TRAPPC8: variants seen among roughly 807,000 people sequenced by gnomAD.
The protein encoded by TRAPPC8 is general sporulation gene 1 homolog.
Under a neutral mutation model 174.3 loss-of-function variants are expected in TRAPPC8, and 54 were observed. That is an observed-to-expected ratio of 0.31 (90% CI 0.25 to 0.39). The LOEUF is 0.39. Ranked by LOEUF, TRAPPC8 falls within the 10% of genes least tolerant of loss-of-function variation. The pLI, the probability that TRAPPC8 is intolerant of heterozygous loss-of-function variation, is 1.00. For synonymous variants in TRAPPC8, 630 were observed against 579.9 expected (o/e 1.09, Z -1.24); for missense variants, 1,531 against 1,699.1 (o/e 0.90, Z 1.74).
intron 1 of TRAPPC8, among the ~76,000 whole-genome samples, chr18:31,934,724 G>A (rs1302735011): frequency 6.7e-5 from 10 of 150,110 alleles, no homozygotes; most frequent in South Asian, 2.1e-4. Flanking sequence ...AAAATTAGCC[G>A]GGCATGGTGG....
At chr18:31,916,584 G>A (rs759650608) in intron 3 of TRAPPC8, 138 bp from the exon 4 acceptor site, 437 of 813,604 alleles carry the variant, frequency 5.4e-4, no homozygotes, top group Non-Finnish European at 6.9e-4. Flanking sequence ...CCAGGCTGGA[G>A]AGCAGTGGCG....
At chr18:31,911,198 A>G (rs1384993995) in intron 5 of TRAPPC8, among the ~76,000 whole-genome samples, 1 of 152,228 alleles carries the variant, frequency 6.6e-6, no homozygotes, top group East Asian at 1.9e-4. Flanking sequence ...TTAATTGAAC[A>G]ATATAAATAT....
intron 1 of TRAPPC8, among the ~76,000 whole-genome samples, chr18:31,937,269 G>A (rs1270970737): frequency 5.9e-5 from 9 of 152,168 alleles, no homozygotes; most frequent in South Asian, 2.1e-4. Context: ...AGTGGCTCGC[G>A]CCTGTAATCA....
intron 11 of TRAPPC8, among the ~76,000 whole-genome samples, chr18:31,894,099 T>G (rs554872032): frequency 4.6e-5 from 7 of 152,192 alleles, no homozygotes; most frequent in Non-Finnish European, 5.9e-5. Flanking sequence ...TGGCCTTCCA[T>G]GGTATTAATT....
chr18:31,909,412 G>A (rs781255693), intron 6 of TRAPPC8: 6 of 246,560 alleles, frequency 2.4e-5, no homozygotes, highest in Non-Finnish European at 3.9e-5. Flanking sequence ...AATTAATGCT[G>A]TGCATCACAT....
At chr18:31,899,040 A>G (rs533608361) in intron 10 of TRAPPC8, among the ~76,000 whole-genome samples, 1 of 152,332 alleles carries the variant, frequency 6.6e-6, no homozygotes, top group East Asian at 1.9e-4. Flanking sequence ...GACTTGTCAT[A>G]AACTTTCTAC....
At chr18:31,875,113 AAAAT>A (rs1171775139) in intron 12 of TRAPPC8, among the ~76,000 whole-genome samples, 1 of 152,162 alleles carries the variant, frequency 6.6e-6, no homozygotes, top group Non-Finnish European at 1.5e-5. Context: ...TTCAACATTT[AAAAT>A]GGTCAGATTT....
Position 31,870,952 on chromosome 18 carries a change from G to C in TRAPPC8, c.2231C>G (p.Ser744Ter). ...TTCTACAACTGCAAGTGGAAATCTT[G>C]AATTATCTGAGTAACTGTTCAAACA... ...QYCLNSYSDN[S>*]RFPLAVVEEP... is the part of the protein sequence containing the mutation. Residue 744 changes from serine to a stop codon, truncating the protein, a stop_gained, in exon 15 of 29, where the codon TCA (serine) becomes TGA (stop). Transcript: ENST00000283351. LOFTEE classifies it high-confidence loss of function. 1 of 1,574,024 alleles carries C rather than the reference G, an allele frequency of 6.4e-7. No individual in the cohort carries two copies. Among genetic ancestry groups the C allele is most frequent in the Non-Finnish European group, 8.6e-7 (1 of 1,156,922 alleles).
intron 16 of TRAPPC8, among the ~76,000 whole-genome samples, chr18:31,868,003 T>C (rs974850810): frequency 1.3e-5 from 2 of 152,192 alleles, no homozygotes; most frequent in Non-Finnish European, 2.9e-5. Context: ...ATAGCAAATT[T>C]CTTCTTTTGC....
chr18:31,931,848 A>C (rs1483101356), intron 1 of TRAPPC8, among the ~76,000 whole-genome samples: 1 of 152,180 alleles, frequency 6.6e-6, no homozygotes, highest in Non-Finnish European at 1.5e-5. Flanking sequence ...CCTCACACTA[A>C]AGCTGGTCCA....
At chr18:31,861,167 T>TA (rs2034301654) in intron 19 of TRAPPC8, among the ~76,000 whole-genome samples, 1 of 152,218 alleles carries the variant, frequency 6.6e-6, no homozygotes, top group Non-Finnish European at 1.5e-5. Context: ...CAGTATGTTT[T>TA]AAATTAAGGT....
chr18:31,895,413 C>G (rs1275720394), intron 11 of TRAPPC8, among the ~76,000 whole-genome samples: 1 of 152,132 alleles, frequency 6.6e-6, no homozygotes, highest in African/African-American at 2.4e-5. Flanking sequence ...ACGTGCACCA[C>G]CACCTGCCCC....
intron 2 of TRAPPC8, among the ~76,000 whole-genome samples, chr18:31,930,853 C>T (rs369869180): frequency 4.6e-5 from 7 of 150,710 alleles, no homozygotes; most frequent in African/African-American, 1.7e-4. Context: ...ATAATGAGAC[C>T]CCCTATCTCT....
intron 16 of TRAPPC8, chr18:31,870,106 T>A (rs888733680): frequency 7.3e-5 from 14 of 190,500 alleles, no homozygotes; most frequent in Non-Finnish European, 6.3e-5. Flanking sequence ...AAAAAAAAAA[T>A]AAAAACAAAA....
Position 31,907,483 on chromosome 18 carries a change from T to A in TRAPPC8, c.1366A>T (p.Met456Leu). Residue 456 changes from methionine (M) to leucine (L), a missense_variant, in exon 9 of 29, where the codon ATG becomes TTG. Met to Leu is a conservative substitution (Grantham distance 15). Transcript: ENST00000283351. ...AKKDFLNDQA[M>L]LYAAGALEMA... ...ACCAAGGCACCAGCTGCATAAAGCA[T>A]TGCTTGATCATTAAGAAAATCTTTC... is the stretch of plus-strand genomic sequence containing the variant. 6.2e-7 allele frequency: 1 copy of A among 1,604,460 alleles called. No homozygotes were observed. Among genetic ancestry groups the A allele is most frequent in the Non-Finnish European group, 8.5e-7 (1 of 1,174,162 alleles).
intron 12 of TRAPPC8, among the ~76,000 whole-genome samples, chr18:31,885,202 T>C (rs996531218): frequency 2.7e-4 from 41 of 152,270 alleles, no homozygotes; most frequent in African/African-American, 9.4e-4. Flanking sequence ...GATTAAGCGA[T>C]AAATAAAAAT....
chr18:31,940,164 T>C (rs921808552), intron 1 of TRAPPC8, among the ~76,000 whole-genome samples: 1 of 152,176 alleles, frequency 6.6e-6, no homozygotes. Context: ...AAATACTGAG[T>C]TAAATAAAAT....
Position 31,864,682 on chromosome 18 carries a change from T to C in TRAPPC8, c.2690A>G (p.Tyr897Cys), listed in dbSNP as rs753124791. Residue 897 changes from tyrosine to cysteine, a missense_variant, in exon 19 of 29, where the codon TAT becomes TGT. Physicochemically the swap from Tyr to Cys is radical, Grantham distance 194 (BLOSUM62 -2). Coordinates refer to ENST00000283351, the MANE Select transcript of TRAPPC8 (RefSeq NM_014939.5). The stretch of plus-strand genomic sequence containing the variant: ...GGGATCTAAACGTCGATCAGGGCCA[T>C]ATTTAACAGATGTTTTCTCTTCTTT... ...NTKEEKTSVK[Y>C]GPDRRLDPII... 1.9e-6 allele frequency: 3 copies of C among 1,613,256 alleles called. No individual in the cohort carries two copies. The highest frequency in any genetic ancestry group is 1.1e-5 in the South Asian group (1 of 91,006).
intron 11 of TRAPPC8, among the ~76,000 whole-genome samples, chr18:31,895,221 T>C (rs530085392): frequency 6.6e-6 from 1 of 152,294 alleles, no homozygotes; most frequent in Non-Finnish European, 1.5e-5. Context: ...TCAAAACCAG[T>C]GTACATCTCT....
Sources: gnomAD v4.1 joint callset for allele counts (sites outside exome capture counted in the v4.1 genomes callset) on GRCh38, gnomAD v4.1.1 for gene constraint, MANE v1.5 for transcripts, NCBI Gene and HGNC (gene_info 2026-07-23, HGNC 2026-07-21) for gene names.